Variants in GPR179 observed in about 807,000 individuals in gnomAD.
GPR179 encodes the protein probable G protein-coupled receptor 179.
Under a neutral mutation model 70.8 loss-of-function variants are expected in GPR179, and 52 were observed. The ratio of observed to expected loss-of-function variants is 0.73; its 90% CI spans 0.59 to 0.93. The LOEUF (loss-of-function observed/expected upper bound fraction) is 0.93. Ranked by LOEUF, GPR179 falls within the 40% of genes least tolerant of loss-of-function variation. The pLI is 0.00. For missense variants in GPR179, 2,734 were observed against 2,966.8 expected, an observed-to-expected ratio of 0.92 and a Z score of 1.82; for synonymous variants, 1,123 against 1,169.0, an observed-to-expected ratio of 0.96 and a Z score of 0.80.
At chr17:38,338,093 C>G (rs1352308618) in intron 2 of GPR179, among the ~76,000 whole-genome samples, 1 of 152,188 alleles carries the variant, frequency 6.6e-6, no homozygotes, top group African/African-American at 2.4e-5. Context: ...ACCTTGTGTG[C>G]CTACATCCTA....
chr17:38,327,654 A>C lies in GPR179; in HGVS notation c.5915T>G (p.Leu1972Arg). Residue 1972 changes from leucine (L) to arginine (R), a missense_variant, in exon 11 of 11, where the codon CTA becomes CGA. Leu to Arg is a moderately radical substitution (Grantham distance 102). Transcript: ENST00000616987. The part of the protein sequence containing the change: ...TTAPADSVSH[L>R]DRQRPDQPKA... ...AGGTTGGTCAGGGCGCTGTCTGTCT[A>C]GGTGAGAGACGGAATCTGCTGGGGC... The C allele has an allele frequency of 6.2e-7, 1 of 1,614,200 alleles. No homozygotes were observed.
At position 38,337,659 on chromosome 17, in the gene GPR179, C is replaced by CT; in HGVS notation, c.964_965insA (p.Gly322GlufsTer15). ...CCCAGAGGGGCTTGCCCCGTAGAAT[C>CT]CAGGTCGGCAGCGGCAGAGGTAGCG... is the stretch of plus-strand genomic sequence containing the variant. On this transcript the variant is annotated frameshift_variant, in exon 3 of 11. Coordinates refer to ENST00000616987, the MANE Select transcript of GPR179 (RefSeq NM_001004334.4). LOFTEE classifies it high-confidence loss of function. 1.9e-6 allele frequency: 3 copies of CT among 1,609,178 alleles called. No individual in the cohort carries two copies. The Admixed American group carries it at 5.1e-5, about 27-fold the overall frequency.
Position 38,330,100 on chromosome 17 carries a change from G to C in GPR179, c.3469C>G (p.Gln1157Glu). ...SDDKESLQNQQNAHTSRMLQV... is the reference protein window; with the variant it reads ...SDDKESLQNQENAHTSRMLQV... ...AGCATCCTGCTGGTGTGAGCGTTCT[G>C]TTGGTTCTGGAGGGACTCCTTGTCA... The change falls in exon 11 of 11, where the codon CAG becomes GAG. Residue 1157 changes from glutamine (Q) to glutamate (E), a missense_variant. Transcript: ENST00000616987. 1.9e-6 allele frequency: 3 copies of C among 1,613,202 alleles called. No homozygotes were observed. The highest frequency in any genetic ancestry group is 2.2e-5 in the South Asian group (2 of 90,950).
intron 9 of GPR179, 103 bp downstream of exon 9, chr17:38,333,830 G>T: frequency 1.2e-6 from 1 of 828,176 alleles, no homozygotes; most frequent in Non-Finnish European, 1.9e-6. Flanking sequence ...ACCTTCTGTC[G>T]TCCTCACCCT....
rs1016341206 is a variant in GPR179 at position 38,335,259 on chromosome 17, C to T, written c.1419G>A (p.Leu473=). 3.2e-6 allele frequency: 5 copies of T among 1,550,674 alleles called. No homozygotes were observed. Among genetic ancestry groups the T allele is most frequent in the Non-Finnish European group, 4.4e-6 (5 of 1,146,908 alleles). Residue 473 remains leucine (L), a synonymous_variant, in exon 7 of 11, where the codon CTG becomes CTA. Transcript: ENST00000616987. ...IILKLYRVLQ[L]FLSRTAQRSA... ...TCCGCTGGGCCGTTCGAGACAGAAA[C>T]AGCTGCAGCACTCTGCGAGGGTTAG... is the stretch of plus-strand genomic sequence containing the variant.
chr17:38,335,666 C>A lies in GPR179; in HGVS notation c.1331G>T (p.Arg444Leu). Residue 444 changes from arginine to leucine, a missense_variant, in exon 6 of 11, where the codon CGC (arginine) becomes CTC (leucine). Transcript: ENST00000616987. ...CCGCACCCAGCGAAGAGCGATGCAG[C>A]GGAATACACTGGGCTTGAAGTATAG... Reference protein sequence around the residue: ...FILYFKPSVFRCIALRWVRLL... With the variant: ...FILYFKPSVFLCIALRWVRLL... 6.2e-7 allele frequency: 1 copy of A among 1,613,990 alleles called. No individual in the cohort carries two copies. Among genetic ancestry groups the A allele is most frequent in the Non-Finnish European group, 8.5e-7 (1 of 1,179,888 alleles).
At chr17:38,335,401 G>A (rs947738888) in intron 6 of GPR179, 130 bp from the exon 7 acceptor site, 1 of 822,908 alleles carries the variant, frequency 1.2e-6, no homozygotes, top group Non-Finnish European at 1.9e-6. Flanking sequence ...CATCCTTTTT[G>A]TGATTTGCTG....
intron 1 of GPR179, 138 bp downstream of exon 1, chr17:38,342,858 G>A: frequency 1.3e-6 from 1 of 793,758 alleles, no homozygotes; most frequent in South Asian, 1.7e-5. Context: ...ACACACAGCT[G>A]AGTACAAATA....
Position 38,337,001 on chromosome 17 carries a change from A to G in GPR179, c.1204T>C (p.Ser402Pro). ...MLAIFLSMLV[S>P]YRCRRNKRIW... ...GCCTTGTTCCGGCGGCAGCGGTAGG[A>G]GACCAGCATGCTCAGGAAGATGGCC... Residue 402 changes from serine (S) to proline (P), a missense_variant, in exon 4 of 11, where the codon TCC becomes CCC. Physicochemically the swap from Ser to Pro is moderately conservative, Grantham distance 74. Transcript: ENST00000616987. The G allele has an allele frequency of 3.1e-6, 5 of 1,604,332 alleles. No homozygotes were observed. The highest frequency in any genetic ancestry group is 4.2e-6 in the Non-Finnish European group (5 of 1,176,532).
Position 38,329,719 on chromosome 17 carries a change from C to T in GPR179, c.3850G>A (p.Gly1284Ser), listed in dbSNP as rs1433981908. ...PESRALRQDPGDSQKKRGEAR... is the reference protein window; with the variant it reads ...PESRALRQDPSDSQKKRGEAR... ...TCCCCTCTCTTTTTTTGGGAGTCAC[C>T]TGGGTCTTGTCTTAGTGCCCTCGAC... The change falls in exon 11 of 11, where the codon GGT (glycine) becomes AGT (serine). Residue 1284 changes from glycine to serine, a missense_variant. Physicochemically the swap from Gly to Ser is moderately conservative, Grantham distance 56. Transcript: ENST00000616987. The T allele has an allele frequency of 3.1e-6, 5 of 1,614,062 alleles. No homozygotes were observed. The highest frequency in any genetic ancestry group is 2.7e-5 in the African/African-American group (2 of 74,920).
chr17:38,338,476 T>C (rs1454877888), intron 2 of GPR179, among the ~76,000 whole-genome samples: 5 of 152,244 alleles, frequency 3.3e-5, no homozygotes, highest in African/African-American at 4.8e-5. Context: ...TGTGTGGTGC[T>C]TGTGAAGCTG....
Position 38,328,382 on chromosome 17 carries a change from A to G in GPR179, c.5187T>C (p.Asn1729=). ...LGAEAIRKSP[N]DTGKVSADLG... ...GATCTGCAGAAACCTTGCCTGTATC[A>G]TTTGGAGATTTCCTAATGGCCTCAG... Residue 1729 remains asparagine, a synonymous_variant, in exon 11 of 11, where the codon AAT becomes AAC. Coordinates refer to ENST00000616987, the MANE Select transcript of GPR179 (RefSeq NM_001004334.4). 6.2e-7 allele frequency: 1 copy of G among 1,612,608 alleles called. No homozygotes were observed. The highest frequency in any genetic ancestry group is 1.3e-5 in the African/African-American group (1 of 74,390).
chr17:38,331,868 G>A (rs139940048), intron 10 of GPR179, among the ~76,000 whole-genome samples: 1 of 152,152 alleles, frequency 6.6e-6, no homozygotes, highest in Non-Finnish European at 1.5e-5. Context: ...TGAGCCTCTG[G>A]ATCTTCTGTA....
chr17:38,327,212 C>G lies in GPR179; in HGVS notation c.6357G>C (p.Val2119=). Residue 2119 remains valine, a synonymous_variant, in exon 11 of 11, where the codon GTG becomes GTC. Transcript: ENST00000616987. ...TRVAEVCLWE[V]VEAPSAKKAE... The stretch of plus-strand genomic sequence containing the variant: ...CTTTCTTGGCAGAGGGAGCCTCTAC[C>G]ACTTCCCACAGACACACTTCCGCTA... 1 of 1,614,240 alleles carries G rather than the reference C, an allele frequency of 6.2e-7. No homozygotes were observed. Among genetic ancestry groups the G allele is most frequent in the East Asian group, 2.2e-5 (1 of 44,890 alleles).
Position 38,343,737 on chromosome 17 carries a change from C to T in GPR179, c.53G>A (p.Cys18Tyr). The change falls in exon 1 of 11, where the codon TGC (cysteine) becomes TAC (tyrosine). Residue 18 changes from cysteine to tyrosine, a missense_variant. Physicochemically the swap from Cys to Tyr is radical, Grantham distance 194. Transcript: ENST00000616987. The surrounding 1 kb of genome is among the most constrained non-coding windows in gnomAD (Gnocchi z 4.2). ...CAGAGCCCAGGCACAGACAAAACAG[C>T]AGCCCAGCAGCCCCCACATAGGAGG... ...MPPPMWGLLG[C>Y]CFVCAWALGG... 1 of 1,548,128 alleles carries T rather than the reference C, an allele frequency of 6.5e-7. No individual in the cohort carries two copies. The highest frequency in any genetic ancestry group is 1.2e-5 in the South Asian group (1 of 80,564).
intron 9 of GPR179, 65 bp downstream of exon 9, chr17:38,333,868 C>G: frequency 7.8e-7 from 1 of 1,280,014 alleles, no homozygotes; most frequent in South Asian, 1.3e-5. Context: ...GCGGGACAAC[C>G]GCTCCACAGT....
chr17:38,341,253 G>A (rs1434791968), intron 1 of GPR179, among the ~76,000 whole-genome samples: 1 of 152,066 alleles, frequency 6.6e-6, no homozygotes, highest in African/African-American at 2.4e-5. Flanking sequence ...TCATTTCCTG[G>A]TTTCTGTCAA....
In GPR179 at chr17:38,337,103, C is replaced by T. The variant is rs1327320959; in HGVS notation, c.1102G>A (p.Asp368Asn). The T allele has an allele frequency of 6.2e-7, 1 of 1,611,508 alleles. No individual in the cohort carries two copies. Among genetic ancestry groups the T allele is most frequent in the Non-Finnish European group, 8.5e-7 (1 of 1,179,150 alleles). ...TCTTCCACCAGGCACGGTGTGGCAT[C>T]CATGCAGCTGGTGCAGCCCTCAGGA... ...PCPEGCTSCM[D>N]ATPCLVEEAA... The change falls in exon 4 of 11, where the codon GAT becomes AAT. Residue 368 changes from aspartate (D) to asparagine (N), a missense_variant. Asp to Asn is a conservative substitution (Grantham distance 23). Transcript: ENST00000616987.
rs1363530063 is a variant in GPR179 at position 38,327,931 on chromosome 17, C to G, written c.5638G>C (p.Asp1880His). The change falls in exon 11 of 11, where the codon GAC becomes CAC. Residue 1880 changes from aspartate (D) to histidine (H), a missense_variant. Physicochemically the swap from Asp to His is moderately conservative, Grantham distance 81. Transcript: ENST00000616987. Reference protein sequence around the residue: ...QETICIWENKDLRESPAQAPK... With the variant: ...QETICIWENKHLRESPAQAPK... ...GCCTGAGCAGGGGATTCCCTCAAGT[C>G]CTTGTTCTCCCAAATACAAATAGTT... 1 of 1,614,074 alleles carries G rather than the reference C, an allele frequency of 6.2e-7. No homozygotes were observed. The highest frequency in any genetic ancestry group is 8.5e-7 in the Non-Finnish European group (1 of 1,180,036).
Sources: allele counts gnomAD v4.1 joint callset (sites outside exome capture counted in the v4.1 genomes callset), GRCh38; gene constraint gnomAD v4.1.1; non-coding constraint Gnocchi (gnomAD v3.1); transcripts MANE v1.5; gene names NCBI Gene and HGNC (gene_info 2026-07-23, HGNC 2026-07-21).